IGSF11: variants seen among roughly 807,000 people sequenced by gnomAD.
The protein encoded by IGSF11 is CXADR like 1.
A neutral mutation model predicts 41.0 loss-of-function variants in IGSF11; 22 were observed. The ratio of observed to expected loss-of-function variants is 0.54; its 90% CI spans 0.38 to 0.77. The LOEUF is 0.77. IGSF11 is among the 30% of genes least tolerant of loss of function. The pLI, the probability that IGSF11 is intolerant of heterozygous loss-of-function variation, is 0.00. For missense variants in IGSF11, 444 were observed against 530.8 expected (o/e 0.84, Z 1.61); for synonymous variants, 219 against 201.3 (o/e 1.09, Z -0.74).
chr3:118,989,846 T>C (rs978146747), intron 1 of IGSF11, among the ~76,000 whole-genome samples: 1 of 152,190 alleles, frequency 6.6e-6, no homozygotes, highest in African/African-American at 2.4e-5. Flanking sequence ...TTCTATACTA[T>C]ACTATACAAA....
At chr3:118,970,080 C>G (rs1239355469) in intron 1 of IGSF11, among the ~76,000 whole-genome samples, 1 of 152,206 alleles carries the variant, frequency 6.6e-6, no homozygotes, top group East Asian at 1.9e-4. Flanking sequence ...CTACTATTCT[C>G]CAGCCACACT....
intron 1 of IGSF11, among the ~76,000 whole-genome samples, chr3:118,944,590 C>T (rs973449140): frequency 2.2e-4 from 33 of 152,138 alleles, no homozygotes; most frequent in African/African-American, 7.7e-4. Context: ...TTTAAATGCC[C>T]TCATGACACC....
At chr3:118,952,404 T>C (rs1944641540) in intron 1 of IGSF11, among the ~76,000 whole-genome samples, 1 of 152,106 alleles carries the variant, frequency 6.6e-6, no homozygotes, top group African/African-American at 2.4e-5. Context: ...AAAATTGGAG[T>C]CAATCCTCTC....
intron 1 of IGSF11, among the ~76,000 whole-genome samples, chr3:119,028,230 G>A (rs145371430): frequency 4.0e-4 from 61 of 152,242 alleles, no homozygotes; most frequent in African/African-American, 1.4e-3. Context: ...ATCATGGCTG[G>A]GATAAACTAT....
At chr3:119,144,290 A>C (rs1221915466) in intron 1 of IGSF11, among the ~76,000 whole-genome samples, 1 of 152,224 alleles carries the variant, frequency 6.6e-6, no homozygotes, top group African/African-American at 2.4e-5. Context: ...TAGGACTTGA[A>C]CAACACTATT....
chr3:118,912,396 C>T (rs1393400478), intron 4 of IGSF11, among the ~76,000 whole-genome samples: 1 of 152,152 alleles, frequency 6.6e-6, no homozygotes, highest in Admixed American at 6.5e-5. Context: ...GCTTGATATG[C>T]AGCTCCTGTG....
rs568115980 is a variant in IGSF11, at chr3:118,948,151, T to A, written c.53-17876A>T. ...ATGGCAAAATGTAAAATGTAAGGAATGTTACCAAAGAGCTGAAACGCACTG... is the reference window on the plus strand; with the variant it reads ...ATGGCAAAATGTAAAATGTAAGGAAAGTTACCAAAGAGCTGAAACGCACTG... On this transcript the variant is annotated intron_variant, in intron 1 of 6. Transcript: ENST00000393775. 3.3e-5 allele frequency: 5 copies of A among 152,346 alleles called. No homozygotes were observed. The East Asian group carries it at 9.6e-4, about 29-fold the overall frequency. 9.4% of individuals were successfully genotyped at this position (152,346 alleles called of 1,614,324 possible).
At chr3:119,068,518 T>C (rs1279976619) in intron 1 of IGSF11, among the ~76,000 whole-genome samples, 2 of 152,230 alleles carry the variant, frequency 1.3e-5, no homozygotes, top group African/African-American at 4.8e-5. Flanking sequence ...CTCCAAGTAC[T>C]TATCAAAAAC....
At chr3:119,041,006 T>C (rs1249683715) in intron 1 of IGSF11, among the ~76,000 whole-genome samples, 1 of 152,160 alleles carries the variant, frequency 6.6e-6, no homozygotes, top group East Asian at 1.9e-4. Flanking sequence ...GAGTATCTAT[T>C]TGAAGGAAAA....
chr3:118,967,467 C>T (rs990913654), intron 1 of IGSF11, among the ~76,000 whole-genome samples: 3 of 152,098 alleles, frequency 2.0e-5, no homozygotes, highest in Admixed American at 6.6e-5. Flanking sequence ...GCCCAAGACG[C>T]GTCTTTTAAA....
intron 1 of IGSF11, among the ~76,000 whole-genome samples, chr3:119,104,982 A>G (rs536417596): frequency 6.6e-6 from 1 of 152,328 alleles, no homozygotes; most frequent in South Asian, 2.1e-4. Context: ...ATTTTTTGAA[A>G]GAAAAAATGA....
At chr3:119,135,979 C>T (rs961246542) in intron 1 of IGSF11, among the ~76,000 whole-genome samples, 4 of 152,140 alleles carry the variant, frequency 2.6e-5, no homozygotes, top group Non-Finnish European at 4.4e-5. Context: ...AACCAAACAC[C>T]ACATGTTCTC....
intron 1 of IGSF11, among the ~76,000 whole-genome samples, chr3:118,972,763 C>T (rs1402396048): frequency 6.6e-6 from 1 of 152,160 alleles, no homozygotes; most frequent in Admixed American, 6.5e-5. Context: ...CAGGGTTTCA[C>T]TTGCATAAAC....
chr3:119,044,094 C>T (rs1411545298), intron 1 of IGSF11, among the ~76,000 whole-genome samples: 3 of 151,878 alleles, frequency 2.0e-5, no homozygotes, highest in Admixed American at 6.6e-5. Flanking sequence ...TTCAGAAGGT[C>T]GATTATTAAG....
intron 1 of IGSF11, among the ~76,000 whole-genome samples, chr3:118,942,017 A>G (rs1297058944): frequency 6.6e-6 from 1 of 152,192 alleles, no homozygotes; most frequent in Non-Finnish European, 1.5e-5. Flanking sequence ...GGCATAAGGG[A>G]AGTCCTTGGA....
intron 1 of IGSF11, among the ~76,000 whole-genome samples, chr3:119,031,662 T>C (rs982790151): frequency 6.6e-6 from 1 of 152,220 alleles, no homozygotes; most frequent in Non-Finnish European, 1.5e-5. Flanking sequence ...GCTTCCTGAA[T>C]AGTCCATGTT....
At chr3:119,093,778 A>G (rs1225444015) in intron 1 of IGSF11, among the ~76,000 whole-genome samples, 2 of 152,166 alleles carry the variant, frequency 1.3e-5, no homozygotes, top group Non-Finnish European at 2.9e-5. Context: ...TGTAGGGTCT[A>G]TGGTTTATTC....
At chr3:119,063,105 T>C (rs187915213) in intron 1 of IGSF11, among the ~76,000 whole-genome samples, 21 of 152,320 alleles carry the variant, frequency 1.4e-4, no homozygotes, top group Admixed American at 1.3e-3. Context: ...ATACATTAAG[T>C]AGCAAAAATC....
intron 1 of IGSF11, among the ~76,000 whole-genome samples, chr3:119,138,650 A>T (rs1342148971): frequency 6.6e-6 from 1 of 152,202 alleles, no homozygotes; most frequent in Admixed American, 6.5e-5. Flanking sequence ...GTTCCACTGC[A>T]CTACAGCCTG....
Sources: allele counts gnomAD v4.1 joint callset (sites outside exome capture counted in the v4.1 genomes callset), GRCh38; gene constraint gnomAD v4.1.1; transcripts MANE v1.5; gene names NCBI Gene and HGNC (gene_info 2026-07-23, HGNC 2026-07-21).